The following SCAPER variants were observed in gnomAD, a reference collection of about 807,000 sequenced individuals.
The protein encoded by SCAPER is S-phase cyclin A associated protein in the ER.
A neutral mutation model predicts 182.2 loss-of-function variants in SCAPER; 98 were observed. That is an observed-to-expected ratio of 0.54 (90% confidence interval 0.46 to 0.64). SCAPER has a LOEUF of 0.64. Ranked by LOEUF, SCAPER falls within the 30% of genes least tolerant of loss-of-function variation. The pLI is 0.00. For synonymous variants in SCAPER, 605 were observed against 564.6 expected (o/e 1.07, Z -1.01); for missense variants, 1,432 against 1,690.0 (o/e 0.85, Z 2.68).
At chr15:76,383,760 T>C (rs1016540002) in intron 27 of SCAPER, among the ~76,000 whole-genome samples, 6 of 152,226 alleles carry the variant, frequency 3.9e-5, no homozygotes, top group African/African-American at 1.4e-4. Flanking sequence ...CAGTGCTTTG[T>C]CCATGGACCA....
intron 23 of SCAPER, among the ~76,000 whole-genome samples, chr15:76,513,859 G>C (rs1018348168): frequency 6.6e-6 from 1 of 152,150 alleles, no homozygotes; most frequent in Non-Finnish European, 1.5e-5. Flanking sequence ...AATCCCTTAA[G>C]ACCAAGATCA....
chr15:76,574,612 G>T (rs189458472), intron 22 of SCAPER, among the ~76,000 whole-genome samples: 5 of 152,114 alleles, frequency 3.3e-5, no homozygotes. Flanking sequence ...GAGGATGAGA[G>T]CAGAGAAAAT....
At chr15:76,865,583 T>C (rs757293088) in intron 2 of SCAPER, among the ~76,000 whole-genome samples, 4 of 152,102 alleles carry the variant, frequency 2.6e-5, no homozygotes, top group Non-Finnish European at 5.9e-5. Context: ...ACTTTCATAC[T>C]GATGGGGATG....
At chr15:76,850,292 G>A (rs1467390497) in intron 4 of SCAPER, among the ~76,000 whole-genome samples, 1 of 152,114 alleles carries the variant, frequency 6.6e-6, no homozygotes, top group Non-Finnish European at 1.5e-5. Flanking sequence ...ATACAGACAG[G>A]AGTGCAGCCT....
chr15:76,410,460 T>C (rs2045207956), intron 26 of SCAPER, among the ~76,000 whole-genome samples: 1 of 152,232 alleles, frequency 6.6e-6, no homozygotes, highest in Admixed American at 6.5e-5. Context: ...AAATTTTGGC[T>C]TAATGGGCCA....
intron 21 of SCAPER, among the ~76,000 whole-genome samples, chr15:76,630,865 T>C (rs1435345528): frequency 6.6e-6 from 1 of 152,190 alleles, no homozygotes; most frequent in Non-Finnish European, 1.5e-5. Context: ...ATTTTCTGTC[T>C]TGATGATCTG....
At chr15:76,729,209 C>A (rs1376298994) in intron 16 of SCAPER, among the ~76,000 whole-genome samples, 2 of 150,756 alleles carry the variant, frequency 1.3e-5, no homozygotes, top group African/African-American at 2.4e-5. Context: ...GTTGTGGGAC[C>A]TTGTGATTGT....
At chr15:76,871,714 C>T (rs1305546508) in intron 2 of SCAPER, among the ~76,000 whole-genome samples, 1 of 151,610 alleles carries the variant, frequency 6.6e-6, no homozygotes, top group Non-Finnish European at 1.5e-5. Flanking sequence ...CTTCAGCCTC[C>T]CAATTAGCTG....
At chr15:76,583,412 G>A (rs1409436834) in intron 22 of SCAPER, among the ~76,000 whole-genome samples, 2 of 149,884 alleles carry the variant, frequency 1.3e-5, no homozygotes, top group African/African-American at 4.9e-5. Flanking sequence ...AGCAAAAAAT[G>A]GACAAATGGG....
intron 24 of SCAPER, among the ~76,000 whole-genome samples, chr15:76,494,296 C>T (rs1039985531): frequency 6.6e-6 from 1 of 152,318 alleles, no homozygotes; most frequent in African/African-American, 2.4e-5. Flanking sequence ...CTGGATCTTA[C>T]GTGAACATTT....
intron 29 of SCAPER, among the ~76,000 whole-genome samples, chr15:76,367,055 G>C (rs2041861585): frequency 6.6e-6 from 1 of 152,308 alleles, no homozygotes; most frequent in Non-Finnish European, 1.5e-5. Flanking sequence ...CTGACAGCTG[G>C]TCTGGCCATG....
chr15:76,539,434 T>C (rs2044519746), intron 23 of SCAPER, among the ~76,000 whole-genome samples: 2 of 152,178 alleles, frequency 1.3e-5, no homozygotes, highest in African/African-American at 4.8e-5. Flanking sequence ...TATTTAGTAA[T>C]CATATATTAT....
intron 8 of SCAPER, among the ~76,000 whole-genome samples, chr15:76,777,489 A>C (rs1055245743): frequency 3.3e-5 from 5 of 152,054 alleles, no homozygotes; most frequent in Non-Finnish European, 7.4e-5. Flanking sequence ...ACCTGAGGTC[A>C]GAAGTTAATG....
chr15:76,410,603 C>T (rs1044262859), intron 26 of SCAPER, among the ~76,000 whole-genome samples: 8 of 152,184 alleles, frequency 5.3e-5, no homozygotes, highest in Non-Finnish European at 1.2e-4. Context: ...TGCTTCCACT[C>T]TAATTGTTAT....
chr15:76,467,441 CTTTTT>C (rs11361300), intron 25 of SCAPER, among the ~76,000 whole-genome samples: 1 of 143,632 alleles, frequency 7.0e-6, no homozygotes, highest in Admixed American at 6.9e-5. Context: ...GTTGGGGTGT[CTTTTT>C]TTTTTTTTTT....
chr15:76,870,440 T>C (rs1346153714), intron 2 of SCAPER, among the ~76,000 whole-genome samples: 1 of 146,794 alleles, frequency 6.8e-6, no homozygotes, highest in Non-Finnish European at 1.5e-5. Flanking sequence ...CAAGAAAAAA[T>C]ATAAAAAAAG....
intron 5 of SCAPER, among the ~76,000 whole-genome samples, chr15:76,840,665 AG>A (rs946163326): frequency 8.5e-5 from 13 of 152,328 alleles, no homozygotes; most frequent in Middle Eastern, 3.4e-3. Context: ...AATGAATTCC[AG>A]GGTTTTCAAC....
intron 19 of SCAPER, among the ~76,000 whole-genome samples, chr15:76,702,494 A>G (rs1598258911): frequency 6.6e-6 from 1 of 151,842 alleles, no homozygotes. Flanking sequence ...GTCACCCAGG[A>G]TGGAGTGCAG....
chr15:76,410,588 C>G (rs2045216588), intron 26 of SCAPER, among the ~76,000 whole-genome samples: 1 of 152,154 alleles, frequency 6.6e-6, no homozygotes, highest in Admixed American at 6.5e-5. Context: ...GTCCTAAATC[C>G]TTCTTGCTTC....
Sources: allele counts gnomAD v4.1 joint callset (sites outside exome capture counted in the v4.1 genomes callset), GRCh38; gene constraint gnomAD v4.1.1; transcripts MANE v1.5; gene names NCBI Gene and HGNC (gene_info 2026-07-23, HGNC 2026-07-21).